Variants in ADGRL2 observed in about 807,000 individuals in gnomAD.
ADGRL2 encodes the protein calcium-independent alpha-latrotoxin receptor 2.
Under a neutral mutation model 157.4 loss-of-function variants are expected in ADGRL2, and 44 were observed. The observed-to-expected ratio is 0.28, with a 90% CI of 0.22 to 0.36. The LOEUF (loss-of-function observed/expected upper bound fraction) is 0.36. Ranked by LOEUF, ADGRL2 falls within the 10% of genes least tolerant of loss-of-function variation. The pLI is 1.00. For synonymous variants in ADGRL2, 585 were observed against 624.7 expected (o/e 0.94, Z 0.95); for missense variants, 1,510 against 1,768.9 (o/e 0.85, Z 2.63).
In ADGRL2 at chr1:81,659,052, ATTTTTTTTTTT is replaced by A. The variant is rs55832240; in HGVS notation, c.-143+78089_-143+78099del. On this transcript the variant is annotated intron_variant, in intron 3 of 24. Coordinates refer to the ADGRL2 transcript ENST00000370721. The stretch of plus-strand genomic sequence containing the variant: ...CAGGCGTGAGCCACCACACCCAGCA[ATTTTTTTTTTT>A]TTTTTTTTTTTTTTTTGAGACAGAG... Among the ~76,000 whole-genome samples the A allele has an allele frequency of 6.6e-5, 4 of 60,530 alleles. No individual in the cohort carries two copies. The Admixed American group carries it at 7.7e-4, about 12-fold the overall frequency. The allele number at this position is 60,530 out of a possible 152,430, so 39.7% of individuals were successfully genotyped here.
chr1:81,569,661 T>C (rs1178551436), intron 2 of ADGRL2, among the ~76,000 whole-genome samples: 2 of 151,980 alleles, frequency 1.3e-5, no homozygotes, highest in African/African-American at 2.4e-5. Context: ...GAAGAAAAAC[T>C]TAGCCAGGCA....
intron 2 of ADGRL2, among the ~76,000 whole-genome samples, chr1:81,863,601 T>C (rs1232112613): frequency 1.3e-5 from 2 of 152,144 alleles, no homozygotes; most frequent in Non-Finnish European, 2.9e-5. Flanking sequence ...TGGCAGATGA[T>C]GGGAAACCTT....
At chr1:81,313,706 A>T (rs1159078075) in intron 1 of ADGRL2, among the ~76,000 whole-genome samples, 1 of 152,228 alleles carries the variant, frequency 6.6e-6, no homozygotes, top group Non-Finnish European at 1.5e-5. Context: ...AGAGGAGAGC[A>T]CAGAGCACAT....
At chr1:81,782,421 G>A (rs1013259114) in intron 2 of ADGRL2, among the ~76,000 whole-genome samples, 1 of 152,036 alleles carries the variant, frequency 6.6e-6, no homozygotes, top group African/African-American at 2.4e-5. Context: ...TCATTTTTTG[G>A]TCTACAGTAA....
At chr1:81,850,377 G>C (rs1417015632) in intron 2 of ADGRL2, among the ~76,000 whole-genome samples, 2 of 151,842 alleles carry the variant, frequency 1.3e-5, no homozygotes, top group African/African-American at 4.8e-5. Context: ...CAACATGTGA[G>C]TCATTGTCTT....
At chr1:81,465,041 G>C (rs2078024321) in intron 2 of ADGRL2, among the ~76,000 whole-genome samples, 1 of 151,780 alleles carries the variant, frequency 6.6e-6, no homozygotes, top group African/African-American at 2.4e-5. Flanking sequence ...TCATGCTGTT[G>C]GTGGCATTGT....
At chr1:81,776,326 C>T (rs2086583874) in intron 2 of ADGRL2, among the ~76,000 whole-genome samples, 1 of 151,916 alleles carries the variant, frequency 6.6e-6, no homozygotes, top group East Asian at 1.9e-4. Context: ...GTAGCTGGGA[C>T]TACAGGCACG....
intron 3 of ADGRL2, among the ~76,000 whole-genome samples, chr1:81,910,635 T>G (rs1365970592): frequency 4.6e-5 from 7 of 151,830 alleles, no homozygotes; most frequent in Admixed American, 2.0e-4. Context: ...ACCTTTTTTT[T>G]TTTGTTTTAA....
chr1:81,713,543 C>T (rs77386776), intron 1 of ADGRL2, among the ~76,000 whole-genome samples: 1 of 152,130 alleles, frequency 6.6e-6, no homozygotes, highest in African/African-American at 2.4e-5. Context: ...TGAGTATCGA[C>T]CATGTGCTGA....
intron 4 of ADGRL2, among the ~76,000 whole-genome samples, chr1:81,939,879 T>C (rs1420998022): frequency 6.6e-6 from 1 of 151,430 alleles, no homozygotes; most frequent in African/African-American, 2.4e-5. Flanking sequence ...TAAAGAGCAA[T>C]GTTTTCCTTA....
chr1:81,714,138 TC>T (rs2084029698), intron 1 of ADGRL2, among the ~76,000 whole-genome samples: 1 of 152,078 alleles, frequency 6.6e-6, no homozygotes, highest in Non-Finnish European at 1.5e-5. Flanking sequence ...TCCCACCAGG[TC>T]CCTCCCATGA....
At chr1:81,687,063 T>C (rs1295332259) in intron 3 of ADGRL2, among the ~76,000 whole-genome samples, 2 of 152,212 alleles carry the variant, frequency 1.3e-5, no homozygotes, top group African/African-American at 4.8e-5. Flanking sequence ...ATATGGTCTA[T>C]CTTGGAGAAA....
chr1:81,553,897 CA>C (rs1458601090), intron 2 of ADGRL2, among the ~76,000 whole-genome samples: 2 of 152,136 alleles, frequency 1.3e-5, no homozygotes, highest in African/African-American at 2.4e-5. Context: ...GCTTCATTTG[CA>C]AAATGCAAAT....
chr1:81,444,635 C>A (rs536992977), intron 1 of ADGRL2, among the ~76,000 whole-genome samples: 1 of 152,262 alleles, frequency 6.6e-6, no homozygotes, highest in African/African-American at 2.4e-5. Flanking sequence ...GGTTGGCCTG[C>A]ACGTTTACAT....
intron 1 of ADGRL2, among the ~76,000 whole-genome samples, chr1:81,824,181 C>A (rs547685984): frequency 2.6e-5 from 4 of 152,158 alleles, no homozygotes; most frequent in African/African-American, 7.2e-5. Context: ...GTGCCTTGAA[C>A]AAAGTATGTA....
rs11315453 is a variant in ADGRL2, at chr1:81,496,669, GAA to G, written c.-248+51592_-248+51593del. On this transcript the variant is annotated intron_variant, in intron 2 of 24. Transcript: ENST00000370721. ...GAATACAGGAATTCAAGCTGTTGAG[GAA>G]AAAAAAAAAAAGACCTTAGAATTCC... Among the ~76,000 whole-genome samples, 841 of 142,836 alleles carry G rather than the reference GAA, an allele frequency of 5.9e-3. 11 individuals are homozygous for G. The highest frequency in any genetic ancestry group is 0.02 in the African/African-American group (797 of 39,862). 93.7% of individuals were successfully genotyped at this position (142,836 alleles called of 152,430 possible).
In ADGRL2 at chr1:81,942,058, C is replaced by G. The variant is rs199581647; in HGVS notation, c.409+13C>G. The G allele has an allele frequency of 3.9e-6, 3 of 768,300 alleles. No homozygotes were observed. Among genetic ancestry groups the G allele is most frequent in the Non-Finnish European group, 4.9e-6 (2 of 412,016 alleles). The allele number at this position is 768,300 out of a possible 1,614,324, so 47.6% of individuals were successfully genotyped here. On this transcript the variant is annotated intron_variant, in intron 5 of 23. Transcript: ENST00000686636. The stretch of plus-strand genomic sequence containing the variant: ...GTGGAGCAAAAAGGTAAATAACATA[C>G]AGTCTGAACCCCAGCTCCCTGTTAT...
intron 3 of ADGRL2, among the ~76,000 whole-genome samples, chr1:81,669,767 C>T (rs976856041): frequency 1.3e-5 from 2 of 151,800 alleles, no homozygotes; most frequent in Admixed American, 6.6e-5. Flanking sequence ...ACGGTGAAAC[C>T]CTGTCTCTAC....
intron 1 of ADGRL2, among the ~76,000 whole-genome samples, chr1:81,702,695 C>T (rs1367997726): frequency 6.6e-6 from 1 of 152,020 alleles, no homozygotes; most frequent in African/African-American, 2.4e-5. Flanking sequence ...AAGAAAACAC[C>T]ATCTTGCTGG....
Sources: allele counts gnomAD v4.1 joint callset (sites outside exome capture counted in the v4.1 genomes callset), GRCh38; gene constraint gnomAD v4.1.1; transcripts MANE v1.5; gene names NCBI Gene and HGNC (gene_info 2026-07-23, HGNC 2026-07-21).